RGS20: variants seen among roughly 807,000 people sequenced by gnomAD.
RGS20 encodes the protein gz-selective GTPase-activating protein.
RGS20 carries 30 observed loss-of-function variants against 33.6 expected under a neutral mutation model. The ratio of observed to expected loss-of-function variants is 0.89; its 90% CI spans 0.67 to 1.21. The LOEUF (loss-of-function observed/expected upper bound fraction) is 1.21. RGS20 is among the 50% of genes most tolerant of loss of function. The pLI is 0.00. For synonymous variants in RGS20, 208 were observed against 197.9 expected, an observed-to-expected ratio of 1.05 and a Z score of -0.43; for missense variants, 472 against 502.4, an observed-to-expected ratio of 0.94 and a Z score of 0.58.
chr8:53,940,819 C>G (rs1045819355), intron 3 of RGS20, among the ~76,000 whole-genome samples: 7 of 152,240 alleles, frequency 4.6e-5, no homozygotes, highest in Non-Finnish European at 8.8e-5. Context: ...ATCTGGACAG[C>G]TCTGCAGGAA....
intron 2 of RGS20, among the ~76,000 whole-genome samples, chr8:53,906,800 G>A (rs1161173918): frequency 6.6e-6 from 1 of 152,122 alleles, no homozygotes; most frequent in Non-Finnish European, 1.5e-5. Context: ...AGACCCAATC[G>A]TTTGAACAGG....
chr8:53,898,749 T>A (rs1489938259), intron 2 of RGS20, among the ~76,000 whole-genome samples: 1 of 152,234 alleles, frequency 6.6e-6, no homozygotes, highest in African/African-American at 2.4e-5. Flanking sequence ...TTTCTGTTTT[T>A]CCAGATGCAC....
rs1053354996 is a variant in RGS20, at chr8:53,877,796, A to T, written c.166-1462A>T. Among the ~76,000 whole-genome samples the T allele has an allele frequency of 3.3e-5, 5 of 152,232 alleles. No individual in the cohort carries two copies. Among genetic ancestry groups the T allele is most frequent in the Non-Finnish European group, 5.9e-5 (4 of 68,034 alleles). On this transcript the variant is annotated intron_variant, in intron 1 of 5. Coordinates refer to ENST00000297313, the MANE Select transcript of RGS20 (RefSeq NM_170587.4). The surrounding 1 kb of genome is among the most constrained non-coding windows in gnomAD (Gnocchi z 5.7). ...CACCCAGGAGCAAACAAACGACAGCAAGACAAATCAGCCACCGCACTCGCG... is the reference window on the plus strand; with the variant it reads ...CACCCAGGAGCAAACAAACGACAGCTAGACAAATCAGCCACCGCACTCGCG...
At chr8:53,922,701 G>A (rs1393586588) in intron 2 of RGS20, among the ~76,000 whole-genome samples, 3 of 152,028 alleles carry the variant, frequency 2.0e-5, no homozygotes, top group African/African-American at 7.2e-5. Context: ...GAGACAGGGT[G>A]TCACTTTGTC....
At chr8:53,889,423 T>C (rs1360036971) in intron 2 of RGS20, among the ~76,000 whole-genome samples, 3,660 of 85,426 alleles carry the variant, frequency 0.043, 736 homozygotes, top group African/African-American at 0.22. Context: ...TTTTTTTTTT[T>C]TTTTTTTTTT....
At chr8:53,920,702 T>G (rs1813617301) in intron 2 of RGS20, among the ~76,000 whole-genome samples, 1 of 152,182 alleles carries the variant, frequency 6.6e-6, no homozygotes, top group African/African-American at 2.4e-5. Flanking sequence ...TTAGGAAGCT[T>G]CCTTATATGC....
intron 2 of RGS20, among the ~76,000 whole-genome samples, chr8:53,899,396 G>A (rs1812950725): frequency 6.6e-6 from 1 of 152,116 alleles, no homozygotes; most frequent in African/African-American, 2.4e-5. Context: ...CTGCATTTCT[G>A]TACTTTTTGG....
At chr8:53,903,741 C>T (rs1813093561) in intron 2 of RGS20, among the ~76,000 whole-genome samples, 1 of 152,204 alleles carries the variant, frequency 6.6e-6, no homozygotes, top group Non-Finnish European at 1.5e-5. Flanking sequence ...CCCTCCCTAC[C>T]AAGTCTCAGC....
At chr8:53,883,946 C>CAA (rs75283566) in intron 2 of RGS20, among the ~76,000 whole-genome samples, 32 of 122,922 alleles carry the variant, frequency 2.6e-4, no homozygotes, top group South Asian at 7.4e-4. Flanking sequence ...AACTCCGTCT[C>CAA]AAAAAAAAAA....
At chr8:53,895,268 C>G (rs1245669187) in intron 2 of RGS20, among the ~76,000 whole-genome samples, 1 of 152,090 alleles carries the variant, frequency 6.6e-6, no homozygotes, top group African/African-American at 2.4e-5. Flanking sequence ...GGAGGAGATG[C>G]AAGATTCCAT....
chr8:53,860,211 C>T (rs912110725), intron 1 of RGS20, among the ~76,000 whole-genome samples: 1 of 152,112 alleles, frequency 6.6e-6, no homozygotes, highest in Non-Finnish European at 1.5e-5. Context: ...CATATAGTGA[C>T]AACTGGAATA....
At chr8:53,921,545 A>G (rs577429195) in intron 2 of RGS20, among the ~76,000 whole-genome samples, 1 of 149,856 alleles carries the variant, frequency 6.7e-6, no homozygotes, top group African/African-American at 2.5e-5. Flanking sequence ...TTAAAGTTCC[A>G]TTTAGATTTT....
At chr8:53,880,442 G>A (rs1310069323) in intron 2 of RGS20, among the ~76,000 whole-genome samples, 5 of 152,050 alleles carry the variant, frequency 3.3e-5, no homozygotes, top group Admixed American at 6.5e-5. Context: ...AGGCGCCCCG[G>A]GCCGGGGAGA....
chr8:53,895,114 G>A (rs1190864250), intron 2 of RGS20, among the ~76,000 whole-genome samples: 2 of 152,180 alleles, frequency 1.3e-5, no homozygotes, highest in Non-Finnish European at 2.9e-5. Context: ...CGGGGATGCA[G>A]TGCAGGCCTG....
chr8:53,902,811 T>C (rs911566193), intron 2 of RGS20, among the ~76,000 whole-genome samples: 2 of 152,238 alleles, frequency 1.3e-5, no homozygotes, highest in East Asian at 1.9e-4. Context: ...CAGCAACCTC[T>C]GCCTCCCGGA....
intron 1 of RGS20, among the ~76,000 whole-genome samples, chr8:53,863,175 C>T (rs985468654): frequency 3.3e-5 from 5 of 152,076 alleles, no homozygotes; most frequent in Admixed American, 1.3e-4. Flanking sequence ...TTAGTAGAGA[C>T]GGGGTCTCTC....
chr8:53,895,110 T>C (rs1812818877), intron 2 of RGS20, among the ~76,000 whole-genome samples: 1 of 151,966 alleles, frequency 6.6e-6, no homozygotes, highest in African/African-American at 2.4e-5. Context: ...GTAGCGGGGA[T>C]GCAGTGCAGG....
chr8:53,956,880 G>T (rs970193392), intron 5 of RGS20, among the ~76,000 whole-genome samples: 1 of 152,098 alleles, frequency 6.6e-6, no homozygotes, highest in Non-Finnish European at 1.5e-5. Flanking sequence ...GGGCACAGTG[G>T]CTCACGCCTG....
chr8:53,922,779 G>C (rs1813687950), intron 2 of RGS20, among the ~76,000 whole-genome samples: 1 of 152,102 alleles, frequency 6.6e-6, no homozygotes, highest in African/African-American at 2.4e-5. Context: ...TCCTGCCTCA[G>C]CCTCCCAAGT....
Sources: allele counts gnomAD v4.1 joint callset (sites outside exome capture counted in the v4.1 genomes callset), GRCh38; gene constraint gnomAD v4.1.1; non-coding constraint Gnocchi (gnomAD v3.1); transcripts MANE v1.5; gene names NCBI Gene and HGNC (gene_info 2026-07-23, HGNC 2026-07-21).